MGMT: variants seen among roughly 807,000 people sequenced by gnomAD.
MGMT encodes O-6-methylguanine-DNA methyltransferase.
In MGMT, 14 loss-of-function variants were observed where a neutral mutation model predicts 15.9. The ratio of observed to expected loss-of-function variants is 0.88; its 90% CI spans 0.58 to 1.37. The LOEUF is 1.37. MGMT is among the 40% of genes most tolerant of loss of function. MGMT has a pLI of 0.00. For synonymous variants in MGMT, 130 were observed against 118.2 expected (o/e 1.10, Z -0.65); for missense variants, 282 against 268.1 (o/e 1.05, Z -0.36).
intron 1 of MGMT, among the ~76,000 whole-genome samples, chr10:129,471,426 G>A (rs971735223): frequency 3.9e-5 from 6 of 152,082 alleles, no homozygotes; most frequent in Non-Finnish European, 8.8e-5. Context: ...TAAACTTTTA[G>A]CTACATTGTA....
At chr10:129,603,351 C>T (rs1429521186) in intron 2 of MGMT, among the ~76,000 whole-genome samples, 1 of 152,168 alleles carries the variant, frequency 6.6e-6, no homozygotes, top group Admixed American at 6.5e-5. Context: ...AGTGAGATTC[C>T]GGGCAGCTGT....
rs79118549 is a variant in MGMT at position 129,521,011 on chromosome 10, C to T, written c.-12-15230C>T. Reference sequence around the variant, plus strand: ...CTACGGTGCGCGTACGGGGCCCCTACGGCACGCAGGCTTGCCCCGCCACCT... The same window carrying T: ...CTACGGTGCGCGTACGGGGCCCCTATGGCACGCAGGCTTGCCCCGCCACCT... On this transcript the variant is annotated intron_variant, in intron 1 of 4. Coordinates refer to ENST00000651593, the MANE Select transcript of MGMT (RefSeq NM_002412.5). 5.2e-3 allele frequency among the ~76,000 whole-genome samples: 790 copies of T among 152,154 alleles called. 11 individuals carry two copies. The highest frequency in any genetic ancestry group is 0.018 in the African/African-American group (758 of 41,492).
At chr10:129,656,162 G>T (rs1019247544) in intron 2 of MGMT, among the ~76,000 whole-genome samples, 1 of 152,202 alleles carries the variant, frequency 6.6e-6, no homozygotes, top group African/African-American at 2.4e-5. Context: ...GTCCCTTCAG[G>T]ACTATGGCAC....
intron 3 of MGMT, among the ~76,000 whole-genome samples, chr10:129,709,888 C>CA (rs1848211103): frequency 6.6e-6 from 1 of 152,162 alleles, no homozygotes; most frequent in African/African-American, 2.4e-5. Flanking sequence ...ACAGGAGCTC[C>CA]AGGGCAGGAG....
chr10:129,599,141 G>C (rs1846787685), intron 2 of MGMT, among the ~76,000 whole-genome samples: 1 of 152,218 alleles, frequency 6.6e-6, no homozygotes, highest in South Asian at 2.1e-4. Flanking sequence ...AAGTGACAGA[G>C]ACGAGGCACA....
intron 3 of MGMT, among the ~76,000 whole-genome samples, chr10:129,734,361 T>A (rs1365094659): frequency 2.8e-5 from 4 of 143,302 alleles, no homozygotes. Context: ...GCTCTCTGTT[T>A]GTCTGTTATT....
chr10:129,685,004 A>C (rs1847890026), intron 2 of MGMT, among the ~76,000 whole-genome samples: 1 of 152,176 alleles, frequency 6.6e-6, no homozygotes, highest in African/African-American at 2.4e-5. Flanking sequence ...TAGCTGATGA[A>C]ATTCTACGTG....
intron 2 of MGMT, among the ~76,000 whole-genome samples, chr10:129,651,153 G>A (rs762545589): frequency 1.4e-4 from 22 of 152,332 alleles, no homozygotes; most frequent in Non-Finnish European, 2.2e-4. Context: ...TCCTCGGCAT[G>A]CTCCCTGCAG....
intron 2 of MGMT, among the ~76,000 whole-genome samples, chr10:129,575,297 C>T (rs994301424): frequency 6.6e-6 from 1 of 152,182 alleles, no homozygotes; most frequent in Non-Finnish European, 1.5e-5. Context: ...AAGCACTCCT[C>T]AGCAAATGTA....
intron 2 of MGMT, chr10:129,701,616 T>A (rs548346692): frequency 6.6e-6 from 1 of 152,248 alleles, no homozygotes; most frequent in East Asian, 1.9e-4. Flanking sequence ...TGTTGAGCAC[T>A]CTAAACTGGG....
chr10:129,522,369 C>T (rs950085102), intron 1 of MGMT, among the ~76,000 whole-genome samples: 24 of 152,162 alleles, frequency 1.6e-4, no homozygotes, highest in African/African-American at 5.3e-4. Flanking sequence ...GTAGGCTTTG[C>T]AGAAAGCTAC....
intron 2 of MGMT, among the ~76,000 whole-genome samples, chr10:129,551,091 C>T (rs997758348): frequency 6.6e-6 from 1 of 152,188 alleles, no homozygotes; most frequent in East Asian, 1.9e-4. Flanking sequence ...AGGGCAGCTG[C>T]AGCACCAGGG....
At chr10:129,625,818 T>C (rs1847141858) in intron 2 of MGMT, among the ~76,000 whole-genome samples, 1 of 152,148 alleles carries the variant, frequency 6.6e-6, no homozygotes. Context: ...CTGATCAGGG[T>C]TGCTTGTTTT....
intron 1 of MGMT, 125 bp downstream of exon 1, chr10:129,467,421 C>T (rs2119603383): frequency 4.4e-6 from 6 of 1,367,904 alleles, no homozygotes; most frequent in East Asian, 3.1e-5. Context: ...CTGACCCCCA[C>T]CCATCCCGGG....
At chr10:129,766,123 ACT>A (rs1484369506) in intron 4 of MGMT, among the ~76,000 whole-genome samples, 1 of 151,742 alleles carries the variant, frequency 6.6e-6, no homozygotes, top group African/African-American at 2.4e-5. Flanking sequence ...TGTGGTCCTC[ACT>A]CTGGATCAGC....
chr10:129,515,139 G>A (rs763648738), intron 1 of MGMT, among the ~76,000 whole-genome samples: 3 of 149,790 alleles, frequency 2.0e-5, no homozygotes, highest in Admixed American at 2.0e-4. Flanking sequence ...ATTGAGAGAC[G>A]TGTGCTGACT....
intron 2 of MGMT, among the ~76,000 whole-genome samples, chr10:129,596,080 A>T (rs1477645054): frequency 6.6e-6 from 1 of 150,408 alleles, no homozygotes; most frequent in African/African-American, 2.4e-5. Flanking sequence ...ATCATTGCTT[A>T]CTTCCCCCTG....
intron 3 of MGMT, among the ~76,000 whole-genome samples, chr10:129,738,217 A>G (rs2133168822): frequency 6.6e-6 from 1 of 152,302 alleles, no homozygotes; most frequent in South Asian, 2.1e-4. Context: ...CTCCGTGGGC[A>G]TAGGACCCTC....
chr10:129,629,189 A>G (rs1847183894), intron 2 of MGMT, among the ~76,000 whole-genome samples: 1 of 152,204 alleles, frequency 6.6e-6, no homozygotes, highest in Non-Finnish European at 1.5e-5. Context: ...TCTTTTCAAG[A>G]TACTGTAAAT....
Sources: gnomAD v4.1 joint callset for allele counts (sites outside exome capture counted in the v4.1 genomes callset) on GRCh38, gnomAD v4.1.1 for gene constraint, MANE v1.5 for transcripts, NCBI Gene and HGNC (gene_info 2026-07-23, HGNC 2026-07-21) for gene names.